BRD8: variants seen among roughly 807,000 people sequenced by gnomAD.
BRD8 encodes bromodomain containing 8.
A neutral mutation model predicts 143.1 loss-of-function variants in BRD8; 67 were observed. The ratio of observed to expected loss-of-function variants is 0.47; its 90% CI spans 0.38 to 0.57. BRD8 has a LOEUF of 0.57. BRD8 is among the 20% of genes least tolerant of loss of function. The probability of loss-of-function intolerance (pLI) is 0.00; values close to 1 mark genes in which losing one functional copy is unlikely to be tolerated. For missense variants in BRD8, 1,103 were observed against 1,503.0 expected (o/e 0.73, Z 4.40); for synonymous variants, 505 against 517.1 (o/e 0.98, Z 0.32).
At chr5:138,176,037 T>C (rs1351416229) in intron 2 of BRD8, among the ~76,000 whole-genome samples, 2 of 150,140 alleles carry the variant, frequency 1.3e-5, no homozygotes, top group Admixed American at 1.3e-4. Context: ...TGTACACGAA[T>C]GTGCACATCA....
chr5:138,159,390 A>T (rs1268722410), intron 20 of BRD8, among the ~76,000 whole-genome samples, 165 bp downstream of exon 20: 1 of 152,116 alleles, frequency 6.6e-6, no homozygotes, highest in East Asian at 1.9e-4. Flanking sequence ...ACATGCAGAA[A>T]GACAGGAATG....
At chr5:138,171,507 G>A (rs1412325105) in intron 3 of BRD8, 97 bp from the exon 4 acceptor site, 2 of 809,228 alleles carry the variant, frequency 2.5e-6, no homozygotes, top group Non-Finnish European at 4.2e-6. Context: ...ATTTAGAGAA[G>A]AGAACTATAT....
chr5:138,176,844 T>A (rs1263055569), intron 2 of BRD8, among the ~76,000 whole-genome samples: 1 of 151,938 alleles, frequency 6.6e-6, no homozygotes, highest in Non-Finnish European at 1.5e-5. Flanking sequence ...ACACCTGTAA[T>A]CCCAGTAGGT....
chr5:138,163,625 C>T, intron 14 of BRD8: 1 of 1,415,910 alleles, frequency 7.1e-7, no homozygotes, highest in Non-Finnish European at 9.3e-7. Context: ...TTTCCCCTTG[C>T]TCGAGAGTAA....
intron 14 of BRD8, 140 bp downstream of exon 14, chr5:138,163,947 A>T: frequency 3.1e-6 from 3 of 979,622 alleles, no homozygotes; most frequent in Non-Finnish European, 4.7e-6. Context: ...ATGCCTGTCT[A>T]CTGCAGCTTT....
In BRD8 at chr5:138,166,097, C is replaced by T. The variant is rs754794233; in HGVS notation, c.1009G>A (p.Asp337Asn). 1.4e-5 allele frequency: 23 copies of T among 1,611,734 alleles called. No homozygotes were observed. Among genetic ancestry groups the T allele is most frequent in the East Asian group, 8.9e-5 (4 of 44,882 alleles). ...ACAGCCTCCATGGGAACACAGTTGT[C>T]GGGTTGACTCACTGAGTAACAGAAA... ...TESVAPVSQP[D>N]NCVPMEAVGD... The change falls in exon 11 of 27, where the codon GAC (aspartate) becomes AAC (asparagine). Residue 337 changes from aspartate to asparagine, a missense_variant. Around this residue, in one of 7 missense-constraint regions of BRD8, gnomAD observed 334 missense variants for 372.5 expected, o/e 0.90. Coordinates refer to ENST00000254900, the MANE Select transcript of BRD8 (RefSeq NM_139199.2).
intron 20 of BRD8, among the ~76,000 whole-genome samples, chr5:138,159,130 A>G (rs1752813449): frequency 6.6e-6 from 1 of 152,184 alleles, no homozygotes; most frequent in African/African-American, 2.4e-5. Context: ...TGTTTGTTAC[A>G]TTAGTCTTGC....
In BRD8 at chr5:138,165,051, T is replaced by A. The variant is rs776444714; in HGVS notation, c.1394A>T (p.Gln465Leu). 1.9e-6 allele frequency: 3 copies of A among 1,614,198 alleles called. No homozygotes were observed. In the African/African-American group the frequency reaches 4.0e-5, roughly 22 times the overall value. ...LPGPWEHPIQ[Q>L]ERDKPVPLPA... ...GAGAGGTACTGGCTTGTCCCGCTCC[T>A]GCTGGATAGGATGCTCCCAGGGGCC... Residue 465 changes from glutamine (Q) to leucine (L), a missense_variant, in exon 12 of 27, where the codon CAG (glutamine) becomes CTG (leucine). Coordinates refer to ENST00000254900, the MANE Select transcript of BRD8 (RefSeq NM_139199.2).
At chr5:138,148,070 A>G (rs542872469) in intron 23 of BRD8, among the ~76,000 whole-genome samples, 3 of 151,608 alleles carry the variant, frequency 2.0e-5, no homozygotes, top group South Asian at 4.2e-4. Flanking sequence ...GGGGTGTCCA[A>G]TCTTTTGGCT....
chr5:138,147,728 G>C (rs1432126996), intron 23 of BRD8, among the ~76,000 whole-genome samples: 1 of 152,278 alleles, frequency 6.6e-6, no homozygotes, highest in East Asian at 1.9e-4. Flanking sequence ...TTGAGTCCAG[G>C]AGTTTGAGAC....
intron 6 of BRD8, 70 bp downstream of exon 6, chr5:138,170,762 A>C (rs1466410641): frequency 8.0e-6 from 11 of 1,381,158 alleles, no homozygotes; most frequent in Admixed American, 1.7e-5. Context: ...GGAGGAAATA[A>C]GCCAGATTAC....
intron 20 of BRD8, among the ~76,000 whole-genome samples, chr5:138,153,217 AAC>A (rs917191351): frequency 6.6e-6 from 1 of 152,208 alleles, no homozygotes; most frequent in Non-Finnish European, 1.5e-5. Context: ...AAACCTTCAA[AAC>A]ACACTTTAGG....
Position 138,168,096 on chromosome 5 carries a change from A to G in BRD8, c.643-18T>C, listed in dbSNP as rs1256841592. 7 of 1,596,686 alleles carry G rather than the reference A, an allele frequency of 4.4e-6. No homozygotes were observed. The highest frequency in any genetic ancestry group is 6.0e-6 in the Non-Finnish European group (7 of 1,168,846). Reference sequence around the variant, plus strand: ...TCATTGACCTACCAGGGAAGAATAGAGGTGAAGGCTACACTCAAGCTTTCC... The same window carrying G: ...TCATTGACCTACCAGGGAAGAATAGGGGTGAAGGCTACACTCAAGCTTTCC... On this transcript the variant is annotated intron_variant, in intron 8 of 26. Coordinates refer to ENST00000254900, the MANE Select transcript of BRD8 (RefSeq NM_139199.2).
At chr5:138,174,882 A>G (rs1754187922) in intron 2 of BRD8, among the ~76,000 whole-genome samples, 1 of 151,898 alleles carries the variant, frequency 6.6e-6, no homozygotes, top group African/African-American at 2.4e-5. Flanking sequence ...ACAAAAAATA[A>G]ACTCAAGTTT....
Position 138,141,633 on chromosome 5 carries a change from G to C in BRD8, c.3438-751C>G, listed in dbSNP as rs148334443. 3.2e-3 allele frequency among the ~76,000 whole-genome samples: 480 copies of C among 152,250 alleles called. 6 individuals are homozygous for C. Among genetic ancestry groups the C allele is most frequent in the Middle Eastern group, 0.014 (4 of 294 alleles). The stretch of plus-strand genomic sequence containing the variant: ...GCACCAATCATCAGTTTATCACACA[G>C]TAGTTATTTGCTGTTTACAATGTAT... On this transcript the variant is annotated intron_variant, in intron 25 of 26. Transcript: ENST00000254900.
At chr5:138,170,482 G>A (rs760865963) in intron 6 of BRD8, 73 bp from the exon 7 acceptor site, 17 of 1,566,636 alleles carry the variant, frequency 1.1e-5, no homozygotes, top group African/African-American at 1.4e-5. Flanking sequence ...CCCTTACAAA[G>A]TAATTTTTTT....
chr5:138,147,775 A>C (rs961441193), intron 23 of BRD8, among the ~76,000 whole-genome samples: 3 of 152,128 alleles, frequency 2.0e-5, no homozygotes, highest in Non-Finnish European at 2.9e-5. Context: ...GTCTCTAACA[A>C]AAATACAAAA....
intron 18 of BRD8, 134 bp from the exon 19 acceptor site, chr5:138,160,307 T>A (rs1752906274): frequency 1.6e-6 from 1 of 643,250 alleles, no homozygotes; most frequent in South Asian, 2.0e-5. Flanking sequence ...GATTGGAAGT[T>A]TAGCATATTA....
rs1363381626 is a variant in BRD8, at chr5:138,165,977, C to T, written c.1129G>A (p.Ala377Thr). Residue 377 changes from alanine to threonine, a missense_variant, in exon 11 of 27, where the codon GCA becomes ACA. This residue lies in a region of BRD8 where 334 missense variants were observed against 372.5 expected (regional missense o/e 0.90). Coordinates refer to ENST00000254900, the MANE Select transcript of BRD8 (RefSeq NM_139199.2). ...IKEECFRSGV[A>T]EAPVGSKAPS... ...GCCTTTGATCCAACAGGAGCCTCTG[C>T]TACCCCTGATCGAAAACACTCTTCT... 1.2e-6 allele frequency: 2 copies of T among 1,614,182 alleles called. No homozygotes were observed. Among genetic ancestry groups the T allele is most frequent in the South Asian group, 2.2e-5 (2 of 91,082 alleles).
Sources: gnomAD v4.1 joint callset for allele counts (sites outside exome capture counted in the v4.1 genomes callset) on GRCh38, gnomAD v4.1.1 for gene constraint, gnomAD v4.1.1 regional missense constraint, MANE v1.5 for transcripts, NCBI Gene and HGNC (gene_info 2026-07-23, HGNC 2026-07-21) for gene names.